Variants in RPL4 observed in about 807,000 individuals in gnomAD.
RPL4 encodes ribosomal protein L4.
In RPL4, 3 loss-of-function variants were observed where a neutral mutation model predicts 47.7. The observed-to-expected ratio is 0.06, with a 90% CI of 0.03 to 0.16. The LOEUF (loss-of-function observed/expected upper bound fraction) is 0.16. Among genes scored for constraint, RPL4 ranks in the 10% least tolerant of loss-of-function variants. The probability of loss-of-function intolerance (pLI) is 1.00; values close to 1 mark genes in which losing one functional copy is unlikely to be tolerated. For missense variants in RPL4, 413 were observed against 551.3 expected (o/e 0.75, Z 2.51); for synonymous variants, 208 against 182.1 (o/e 1.14, Z -1.15).
intron 5 of RPL4, 108 bp downstream of exon 5, chr15:66,501,680 G>GT: frequency 6.5e-6 from 10 of 1,526,912 alleles, no homozygotes; most frequent in Non-Finnish European, 8.8e-6. Flanking sequence ...TGAGGTTCTT[G>GT]TTCTCTCACA....
intron 1 of RPL4, among the ~76,000 whole-genome samples, chr15:66,503,893 C>T (rs970348592): frequency 6.6e-6 from 1 of 152,170 alleles, no homozygotes; most frequent in African/African-American, 2.4e-5. Flanking sequence ...CACTCACCCT[C>T]ACCCTCTACT....
intron 1 of RPL4, 112 bp downstream of exon 1, chr15:66,504,676 T>G (rs991669436): frequency 2.7e-6 from 4 of 1,487,556 alleles, no homozygotes; most frequent in Non-Finnish European, 2.7e-6. Context: ...CCTTTGGTCC[T>G]CATCTCCCTC....
chr15:66,501,366 T>C lies in RPL4; in HGVS notation c.676+9A>G. 1 of 1,614,040 alleles carries C rather than the reference T, an allele frequency of 6.2e-7. No individual in the cohort carries two copies. The highest frequency in any genetic ancestry group is 8.5e-7 in the Non-Finnish European group (1 of 1,179,996). On this transcript the variant is annotated intron_variant, in intron 6 of 9. Transcript: ENST00000307961. ...ATACCTAGTCAATATATGTAAGCAG[T>C]TTAATTACCAGGGATGTTTCTGAAG...
At position 66,499,251 on chromosome 15, in the gene RPL4, A is replaced by G. The variant is rs1893544465; in HGVS notation, c.*156T>C. The G allele has an allele frequency of 3.4e-6, 3 of 885,832 alleles. No homozygotes were observed. Among genetic ancestry groups the G allele is most frequent in the Admixed American group, 2.5e-5 (1 of 40,714 alleles). 54.9% of individuals were successfully genotyped at this position (885,832 alleles called of 1,614,324 possible). ...CACACTATATAAAATGTAACAGTCT[A>G]AATTATGGCCAACAAAATGTCACTT... is the stretch of plus-strand genomic sequence containing the variant. On this transcript the variant is annotated 3_prime_UTR_variant, in exon 10 of 10. Transcript: ENST00000307961.
chr15:66,503,695 C>T (rs541517901), intron 1 of RPL4, among the ~76,000 whole-genome samples, 166 bp from the exon 2 acceptor site: 2 of 152,340 alleles, frequency 1.3e-5, no homozygotes, highest in South Asian at 4.1e-4. Context: ...CCCTTAGAAT[C>T]TCAACCTCTA....
chr15:66,503,039 G>A lies in RPL4; in HGVS notation c.282+19C>T. The A allele has an allele frequency of 1.2e-6, 2 of 1,601,968 alleles. No individual in the cohort carries two copies. The highest frequency in any genetic ancestry group is 1.7e-6 in the Non-Finnish European group (2 of 1,169,822). ...TTCCATCAGAGATGACCAGTCTTAG[G>A]TAGTGAAACAAAGGATACGTTTCCA... On this transcript the variant is annotated intron_variant, in intron 3 of 9. Transcript: ENST00000307961.
rs772296057 is a variant in RPL4, at chr15:66,499,520, T to G, written c.1171A>C (p.Lys391Gln). Residue 391 changes from lysine to glutamine, a missense_variant, in exon 10 of 10, where the codon AAG becomes CAG. Lys to Gln is a moderately conservative substitution (Grantham distance 53). This residue lies in a region of RPL4 where 134 missense variants were observed against 122.7 expected (regional missense o/e 1.09). Coordinates refer to ENST00000307961, the MANE Select transcript of RPL4 (RefSeq NM_000968.4). ...KGKKAAVGVK[K>Q]QKKPLVGKKA... is the part of the protein sequence containing the mutation. Reference sequence around the variant, plus strand: ...TTTCCCACCAGAGGCTTCTTCTGCTTCTTAACACCAACAGCAGCCTTCTTT... The same window carrying G: ...TTTCCCACCAGAGGCTTCTTCTGCTGCTTAACACCAACAGCAGCCTTCTTT... 3 of 1,612,588 alleles carry G rather than the reference T, an allele frequency of 1.9e-6. No homozygotes were observed. Among genetic ancestry groups the G allele is most frequent in the South Asian group, 1.1e-5 (1 of 91,014 alleles).
chr15:66,499,828 A>G (rs1893571781), intron 9 of RPL4, 176 bp from the exon 10 acceptor site: 1 of 957,426 alleles, frequency 1.0e-6, no homozygotes, highest in Non-Finnish European at 1.5e-6. Context: ...GTTTGAGACC[A>G]GCCTAACAAT....
At chr15:66,503,244 G>A (rs774707876) in intron 2 of RPL4, 80 bp from the exon 3 acceptor site, 2 of 1,581,936 alleles carry the variant, frequency 1.3e-6, no homozygotes, top group South Asian at 1.1e-5. Flanking sequence ...GTAGCAAACA[G>A]CATCAGAACA....
intron 1 of RPL4, among the ~76,000 whole-genome samples, chr15:66,503,890 C>A (rs1409562599): frequency 6.6e-6 from 1 of 152,108 alleles, no homozygotes; most frequent in African/African-American, 2.4e-5. Context: ...TCCCACTCAC[C>A]CTCACCCTCT....
intron 1 of RPL4, among the ~76,000 whole-genome samples, chr15:66,503,775 T>C (rs1893681085): frequency 1.3e-5 from 2 of 152,098 alleles, no homozygotes; most frequent in African/African-American, 4.8e-5. Context: ...TAAAGCACAA[T>C]AGCTAAATCA....
intron 7 of RPL4, 39 bp downstream of exon 7, chr15:66,500,910 A>G: frequency 6.3e-7 from 1 of 1,585,650 alleles, no homozygotes; most frequent in Non-Finnish European, 8.6e-7. Context: ...TAATATCCAC[A>G]ATATAAACAT....
At chr15:66,503,624 G>A (rs1893675362) in intron 1 of RPL4, 95 bp from the exon 2 acceptor site, 1 of 1,330,674 alleles carries the variant, frequency 7.5e-7, no homozygotes, top group African/African-American at 1.5e-5. Flanking sequence ...CTCAATTGCA[G>A]AAGAGACTGG....
At chr15:66,503,003 A>G in intron 3 of RPL4, 55 bp downstream of exon 3, 2 of 1,518,954 alleles carry the variant, frequency 1.3e-6, no homozygotes, top group Admixed American at 3.4e-5. Context: ...AACCAGACCC[A>G]GGCCGCTAAA....
intron 1 of RPL4, 122 bp downstream of exon 1, chr15:66,504,666 C>A (rs928793803): frequency 7.0e-7 from 1 of 1,421,342 alleles, no homozygotes; most frequent in Admixed American, 2.1e-5. Context: ...GAAAAAGACG[C>A]CTTTGGTCCT....
intron 5 of RPL4, 111 bp downstream of exon 5, chr15:66,501,677 C>T: frequency 1.3e-6 from 2 of 1,524,802 alleles, no homozygotes; most frequent in South Asian, 1.3e-5. Context: ...CTCTGAGGTT[C>T]TTGTTCTCTC....
chr15:66,502,583 C>T (rs1225939851), intron 4 of RPL4, 29 bp downstream of exon 4: 1 of 1,599,964 alleles, frequency 6.3e-7, no homozygotes, highest in Non-Finnish European at 8.5e-7. Context: ...TTTCTTCTAT[C>T]AAACTCTCTT....
chr15:66,500,228 C>T (rs375300756), intron 8 of RPL4, 52 bp from the exon 9 acceptor site: 1 of 1,613,414 alleles, frequency 6.2e-7, no homozygotes, highest in Non-Finnish European at 8.5e-7. Context: ...TATACACATA[C>T]AAATTTTTGA....
chr15:66,504,692 G>GCTCTATCTCCTAC (rs1893718903), intron 1 of RPL4, 96 bp downstream of exon 1: 1 of 1,537,796 alleles, frequency 6.5e-7, no homozygotes, highest in Non-Finnish European at 8.8e-7. Context: ...CCCTCTCCTC[G>GCTCTATCTCCTAC]CTCTATCTCC....
Sources: gnomAD v4.1 joint callset for allele counts (sites outside exome capture counted in the v4.1 genomes callset) on GRCh38, gnomAD v4.1.1 for gene constraint, gnomAD v4.1.1 regional missense constraint, MANE v1.5 for transcripts, NCBI Gene and HGNC (gene_info 2026-07-23, HGNC 2026-07-21) for gene names.